HEG1: variants seen among roughly 807,000 people sequenced by gnomAD.
HEG1 encodes heart development protein with EGF like domains 1.
A neutral mutation model predicts 125.6 loss-of-function variants in HEG1; 56 were observed. The ratio of observed to expected loss-of-function variants is 0.45; its 90% CI spans 0.36 to 0.56. The LOEUF (loss-of-function observed/expected upper bound fraction) is 0.56, where lower values mean the gene tolerates loss of function less well. Among genes scored for constraint, HEG1 ranks in the 20% least tolerant of loss-of-function variants. HEG1 has a pLI of 0.00. For missense variants in HEG1, 1,523 were observed against 1,670.0 expected, an observed-to-expected ratio of 0.91 and a Z score of 1.53; for synonymous variants, 644 against 668.5, an observed-to-expected ratio of 0.96 and a Z score of 0.57.
At chr3:124,988,113 T>A (rs1276553951) in intron 14 of HEG1, among the ~76,000 whole-genome samples, 1 of 151,788 alleles carries the variant, frequency 6.6e-6, no homozygotes, top group Non-Finnish European at 1.5e-5. Context: ...GCTACTCCAT[T>A]CTCTGATCAG....
Position 125,055,831 on chromosome 3 carries a change from C to CAGCGGCAGCAACAGCAGCAGG in HEG1, c.39_59dup (p.Leu17_Leu23dup), listed in dbSNP as rs1937928766. 1 of 983,092 alleles carries CAGCGGCAGCAACAGCAGCAGG rather than the reference C, an allele frequency of 1.0e-6. No individual in the cohort carries two copies. Among genetic ancestry groups the CAGCGGCAGCAACAGCAGCAGG allele is most frequent in the Non-Finnish European group, 1.2e-6 (1 of 828,764 alleles). 60.9% of individuals were successfully genotyped at this position (983,092 alleles called of 1,614,324 possible). On this transcript the variant is annotated inframe_insertion, in exon 1 of 17. Coordinates refer to ENST00000311127, the MANE Select transcript of HEG1 (RefSeq NM_020733.2). ...CGGGGGCCGCCGGCGGCAGCAGCAG[C>CAGCGGCAGCAACAGCAGCAGG]AGCGGCAGCAACAGCAGCAGGAGCG...
At chr3:125,036,764 T>C (rs755229744) in intron 1 of HEG1, among the ~76,000 whole-genome samples, 1 of 152,262 alleles carries the variant, frequency 6.6e-6, no homozygotes, top group Non-Finnish European at 1.5e-5. Context: ...CCTTTTACAT[T>C]ACTTTTGTAT....
At chr3:124,987,668 T>C (rs1019069486) in intron 14 of HEG1, among the ~76,000 whole-genome samples, 2 of 151,356 alleles carry the variant, frequency 1.3e-5, no homozygotes, top group Non-Finnish European at 2.9e-5. Context: ...CTACAGGCGC[T>C]CGCCACCATG....
At chr3:125,008,819 CACAA>C (rs1937109998) in intron 8 of HEG1, among the ~76,000 whole-genome samples, 1 of 15,376 alleles carries the variant, frequency 6.5e-5, no homozygotes, top group South Asian at 2.8e-3. Context: ...AAACAAAAAA[CACAA>C]AAACAAAAAA....
chr3:125,025,705 T>C (rs1937406158), intron 3 of HEG1, among the ~76,000 whole-genome samples: 1 of 152,218 alleles, frequency 6.6e-6, no homozygotes, highest in African/African-American at 2.4e-5. Flanking sequence ...AATCAAAGCA[T>C]AGCTTCCTAA....
At chr3:124,992,849 G>A (rs960095824) in intron 12 of HEG1, among the ~76,000 whole-genome samples, 1 of 152,214 alleles carries the variant, frequency 6.6e-6, no homozygotes, top group African/African-American at 2.4e-5. Flanking sequence ...AGAGAGCTGT[G>A]CACCTGGACA....
At chr3:124,996,586 A>T (rs1188489992) in intron 12 of HEG1, among the ~76,000 whole-genome samples, 2 of 152,162 alleles carry the variant, frequency 1.3e-5, no homozygotes, top group Non-Finnish European at 2.9e-5. Flanking sequence ...CCACCTGGAG[A>T]GCTGATGATG....
At position 125,013,530 on chromosome 3, in the gene HEG1, T is replaced by C; in HGVS notation, c.2049A>G (p.Gln683=). Residue 683 remains glutamine (Q), a synonymous_variant, in exon 6 of 17, where the codon CAA becomes CAG. Transcript: ENST00000311127. The part of the protein sequence containing the change: ...GPPLPLPSVS[Q]SHHLFSSILP... ...AAATTGATGAAAATAAATGGTGGGA[T>C]TGTGACACAGAGGGCAGAGGCAAAG... 6.2e-7 allele frequency: 1 copy of C among 1,607,728 alleles called. No individual in the cohort carries two copies. The highest frequency in any genetic ancestry group is 8.5e-7 in the Non-Finnish European group (1 of 1,176,876).
intron 11 of HEG1, among the ~76,000 whole-genome samples, chr3:125,000,131 T>A (rs1242152517): frequency 6.6e-6 from 1 of 152,210 alleles, no homozygotes; most frequent in Non-Finnish European, 1.5e-5. Flanking sequence ...AGCCTGTTTT[T>A]TTCAGCTAAT....
At chr3:125,048,601 G>C (rs1937732913) in intron 1 of HEG1, among the ~76,000 whole-genome samples, 1 of 152,244 alleles carries the variant, frequency 6.6e-6, no homozygotes, top group Non-Finnish European at 1.5e-5. Flanking sequence ...GAGAAGGTGA[G>C]AGAGGTGGCC....
intron 3 of HEG1, among the ~76,000 whole-genome samples, chr3:125,024,626 C>G (rs2981547): frequency 0.47 from 71,753 of 152,040 alleles, 17,675 homozygotes; most frequent in Middle Eastern, 0.63. Flanking sequence ...GATTCCATTG[C>G]CTAGGCCTAT....
At chr3:125,037,839 C>T (rs1019988540) in intron 1 of HEG1, among the ~76,000 whole-genome samples, 2 of 152,204 alleles carry the variant, frequency 1.3e-5, no homozygotes, top group African/African-American at 4.8e-5. Context: ...ACTTCTGGCT[C>T]CACCTCTTTC....
chr3:125,009,261 ACT>A (rs1937115666), intron 8 of HEG1, among the ~76,000 whole-genome samples: 1 of 147,578 alleles, frequency 6.8e-6, no homozygotes, highest in South Asian at 2.2e-4. Flanking sequence ...TCAGAGTTTT[ACT>A]CTCTCTTTTC....
chr3:125,015,009 A>G (rs951131947), intron 5 of HEG1: 63 of 1,240,940 alleles, frequency 5.1e-5, no homozygotes, highest in Non-Finnish European at 6.2e-5. Context: ...GCTGTCTTCC[A>G]AGGCTAAAAG....
rs1937921981 is a variant in HEG1, at chr3:125,055,683, G to C, written c.208C>G (p.Arg70Gly). 2.7e-6 allele frequency: 3 copies of C among 1,128,784 alleles called. No homozygotes were observed. The highest frequency in any genetic ancestry group is 1.7e-5 in the African/African-American group (1 of 60,404). 69.9% of individuals were successfully genotyped at this position (1,128,784 alleles called of 1,614,324 possible). A position where few individuals can be genotyped will look rare whatever the true frequency, so the allele number is the denominator to read the frequency against. The change falls in exon 1 of 17, where the codon CGG becomes GGG. Residue 70 changes from arginine to glycine, a missense_variant. Arg to Gly is a moderately radical substitution (Grantham distance 125). Transcript: ENST00000311127. ...PEREPPPTPP[R>G]ERRGPATPGP... ...GGGGTCGCGGGCCCGCGGCGCTCCC[G>C]GGGCGGCGTGGGCGGCGGCTCGCGC...
chr3:124,998,042 C>T (rs569756313), intron 11 of HEG1, among the ~76,000 whole-genome samples: 40 of 152,314 alleles, frequency 2.6e-4, no homozygotes, highest in Middle Eastern at 3.4e-3. Flanking sequence ...GGCTGTGCAC[C>T]AGTGTTCCCC....
At position 125,010,486 on chromosome 3, in the gene HEG1, T is replaced by G. The variant is rs766582046; in HGVS notation, c.3026A>C (p.Tyr1009Ser). 5.7e-5 allele frequency: 89 copies of G among 1,560,476 alleles called. No homozygotes were observed. The highest frequency in any genetic ancestry group is 7.2e-5 in the Non-Finnish European group (83 of 1,151,534). ...ECVADNTSRG[Y>S]HCRCPPSWQG... ...CCAGGAAGGCGGGCACCTGCAGTGG[T>G]AGCCACGGCTGGTGTTGTCTGCGAC... Residue 1009 changes from tyrosine to serine, a missense_variant, in exon 7 of 17, where the codon TAC becomes TCC. By Grantham distance (144) the Tyr-to-Ser change is moderately radical. Transcript: ENST00000311127.
chr3:125,010,539 C>T lies in HEG1; in HGVS notation c.2973G>A (p.Val991=). 6.4e-7 allele frequency: 1 copy of T among 1,556,034 alleles called. No individual in the cohort carries two copies. The highest frequency in any genetic ancestry group is 8.7e-7 in the Non-Finnish European group (1 of 1,149,064). ...SSSASVNSCA[V]NPCLHNGECV... ...ATTCGCCATTGTGAAGACAAGGGTTCACAGCACAGCTGTTGACTACAAACA... is the reference window on the plus strand; with the variant it reads ...ATTCGCCATTGTGAAGACAAGGGTTTACAGCACAGCTGTTGACTACAAACA... Residue 991 remains valine (V), a synonymous_variant, in exon 7 of 17, where the codon GTG becomes GTA. Transcript: ENST00000311127.
At chr3:125,033,477 A>T (rs1937517774) in intron 1 of HEG1, among the ~76,000 whole-genome samples, 1 of 152,170 alleles carries the variant, frequency 6.6e-6, no homozygotes, top group South Asian at 2.1e-4. Flanking sequence ...CAGCAAGGAA[A>T]CCTGGCCCTT....
Sources: allele counts gnomAD v4.1 joint callset (sites outside exome capture counted in the v4.1 genomes callset), GRCh38; gene constraint gnomAD v4.1.1; transcripts MANE v1.5; gene names NCBI Gene and HGNC (gene_info 2026-07-23, HGNC 2026-07-21).